The following C10orf90 variants were observed in gnomAD, a reference collection of about 807,000 sequenced individuals.
C10orf90 encodes the protein (E2-independent) E3 ubiquitin-conjugating enzyme FATS.
Under a neutral mutation model 62.5 loss-of-function variants are expected in C10orf90, and 56 were observed. The ratio of observed to expected loss-of-function variants is 0.90; its 90% confidence interval spans 0.72 to 1.12. C10orf90 has a LOEUF of 1.12. C10orf90 is among the 50% of genes most tolerant of loss of function. The probability of loss-of-function intolerance (pLI) is 0.00; values close to 1 mark genes in which losing one functional copy is unlikely to be tolerated. For missense variants in C10orf90, 970 were observed against 880.4 expected, an observed-to-expected ratio of 1.10 and a Z score of -1.29; for synonymous variants, 386 against 340.4, an observed-to-expected ratio of 1.13 and a Z score of -1.47.
At chr10:126,472,596 C>T (rs967111219) in intron 4 of C10orf90, among the ~76,000 whole-genome samples, 1 of 152,110 alleles carries the variant, frequency 6.6e-6, no homozygotes, top group Non-Finnish European at 1.5e-5. Flanking sequence ...TTTCAGCAGG[C>T]TTTCATGTCT....
At chr10:126,480,482 G>A (rs761417221) in intron 4 of C10orf90, among the ~76,000 whole-genome samples, 4 of 152,226 alleles carry the variant, frequency 2.6e-5, no homozygotes, top group East Asian at 1.9e-4. Context: ...GTTTAAACAC[G>A]GCTATACCTC....
chr10:126,567,674 C>G (rs1844421450), intron 2 of C10orf90, among the ~76,000 whole-genome samples: 1 of 152,096 alleles, frequency 6.6e-6, no homozygotes, highest in Non-Finnish European at 1.5e-5. Flanking sequence ...AAGATCGAGA[C>G]TCGACTGCAT....
rs1458188518 is a variant in C10orf90 at position 126,513,848 on chromosome 10, C to G, written c.405G>C (p.Lys135Asn). The change falls in exon 3 of 10, where the codon AAG becomes AAC. Residue 135 changes from lysine (K) to asparagine (N), a missense_variant and splice_region_variant. By Grantham distance (94) the Lys-to-Asn change is moderately conservative (BLOSUM62 0). Transcript: ENST00000488181. Reference protein sequence around the residue: ...DVTEAKSDFTKETLASQNTKM... With the variant: ...DVTEAKSDFTNETLASQNTKM... ...TCTAGAAGTTAGAAATGTATGTTACCTTGGTGAAGTCAGATTTTGCCTCTG... is the reference window on the plus strand; with the variant it reads ...TCTAGAAGTTAGAAATGTATGTTACGTTGGTGAAGTCAGATTTTGCCTCTG... The G allele has an allele frequency of 5.0e-6, 8 of 1,592,558 alleles. No homozygotes were observed. In the East Asian group the frequency reaches 1.3e-4, roughly 27 times the overall value.
chr10:126,585,432 A>T (rs922648523), intron 2 of C10orf90, among the ~76,000 whole-genome samples: 1 of 150,828 alleles, frequency 6.6e-6, no homozygotes, highest in Non-Finnish European at 1.5e-5. Flanking sequence ...AGAGAGGGAA[A>T]ATGGAAAGAA....
At chr10:126,498,369 A>G (rs1862192826) in intron 4 of C10orf90, among the ~76,000 whole-genome samples, 1 of 152,176 alleles carries the variant, frequency 6.6e-6, no homozygotes, top group African/African-American at 2.4e-5. Flanking sequence ...ACTCCTGGAC[A>G]ATTGTCCAAT....
At chr10:126,464,620 G>A in intron 5 of C10orf90, 76 bp downstream of exon 5, 1 of 1,426,158 alleles carries the variant, frequency 7.0e-7, no homozygotes, top group East Asian at 2.3e-5. Flanking sequence ...GTATGCACGA[G>A]GTCCAGGTAG....
chr10:126,634,941 C>T (rs2133834907), intron 2 of C10orf90, among the ~76,000 whole-genome samples: 1 of 152,334 alleles, frequency 6.6e-6, no homozygotes, highest in South Asian at 2.1e-4. Flanking sequence ...CATTCCCAAA[C>T]TTCATCACAC....
At chr10:126,663,633 C>T (rs147869442) in intron 1 of C10orf90, among the ~76,000 whole-genome samples, 1 of 152,260 alleles carries the variant, frequency 6.6e-6, no homozygotes, top group African/African-American at 2.4e-5. Flanking sequence ...TGACTCACAT[C>T]TGCCCCCACC....
intron 2 of C10orf90, among the ~76,000 whole-genome samples, chr10:126,525,802 T>C (rs546384792): frequency 1.3e-5 from 2 of 149,168 alleles, no homozygotes; most frequent in East Asian, 3.9e-4. Flanking sequence ...AGAACAAGGT[T>C]GTTCTTCTCC....
chr10:126,617,608 T>C (rs376037637), intron 2 of C10orf90, among the ~76,000 whole-genome samples: 15 of 152,338 alleles, frequency 9.8e-5, no homozygotes, highest in African/African-American at 3.6e-4. Context: ...CTCAATTCAT[T>C]CTCTGCAAGA....
At chr10:126,555,858 T>C (rs872079) in intron 2 of C10orf90, among the ~76,000 whole-genome samples, 76,356 of 122,404 alleles carry the variant, frequency 0.62, 19,724 homozygotes, top group African/African-American at 0.69. Context: ...GTTAATTCAC[T>C]TCAGAAGTTA....
intron 2 of C10orf90, among the ~76,000 whole-genome samples, chr10:126,600,433 A>G (rs1591133395): frequency 6.6e-6 from 1 of 152,086 alleles, no homozygotes; most frequent in Non-Finnish European, 1.5e-5. Context: ...CAGGGAGGAG[A>G]TATGAGAAAC....
At chr10:126,499,826 CT>C (rs1330633901) in intron 4 of C10orf90, among the ~76,000 whole-genome samples, 2 of 152,218 alleles carry the variant, frequency 1.3e-5, no homozygotes, top group African/African-American at 4.8e-5. Flanking sequence ...ATTCACTAGT[CT>C]CCTCTTCAAT....
At chr10:126,630,870 A>G (rs1845837974) in intron 2 of C10orf90, among the ~76,000 whole-genome samples, 1 of 152,136 alleles carries the variant, frequency 6.6e-6, no homozygotes, top group Admixed American at 6.5e-5. Flanking sequence ...TATTTGCAAC[A>G]ACCTGGGAAT....
At chr10:126,598,151 G>T (rs1410429676) in intron 2 of C10orf90, among the ~76,000 whole-genome samples, 1 of 152,160 alleles carries the variant, frequency 6.6e-6, no homozygotes, top group Non-Finnish European at 1.5e-5. Flanking sequence ...CTGTCCTAGG[G>T]ATCTCAATAG....
intron 2 of C10orf90, among the ~76,000 whole-genome samples, chr10:126,516,564 T>TA (rs1294664685): frequency 1.3e-5 from 2 of 152,190 alleles, no homozygotes; most frequent in Non-Finnish European, 1.5e-5. Flanking sequence ...AACCAGCCCT[T>TA]AGTGCAATGC....
chr10:126,656,028 C>T (rs1846389597), intron 1 of C10orf90, among the ~76,000 whole-genome samples: 1 of 152,078 alleles, frequency 6.6e-6, no homozygotes, highest in Non-Finnish European at 1.5e-5. Flanking sequence ...CTGACTTTCA[C>T]ACCTTCTCAG....
chr10:126,658,756 GGATT>G (rs201914038), intron 1 of C10orf90, among the ~76,000 whole-genome samples: 23 of 152,122 alleles, frequency 1.5e-4, no homozygotes, highest in South Asian at 8.3e-4. Context: ...TGATTTTCAT[GGATT>G]GATTGATTGA....
chr10:126,567,491 C>A (rs999472328), intron 2 of C10orf90, among the ~76,000 whole-genome samples: 1 of 152,106 alleles, frequency 6.6e-6, no homozygotes, highest in Non-Finnish European at 1.5e-5. Flanking sequence ...GACATAGATC[C>A]AAACCATATC....
Sources: allele counts gnomAD v4.1 joint callset (sites outside exome capture counted in the v4.1 genomes callset), GRCh38; gene constraint gnomAD v4.1.1; transcripts MANE v1.5; gene names NCBI Gene and HGNC (gene_info 2026-07-23, HGNC 2026-07-21).